The following SNTG1 variants were observed in gnomAD, a reference collection of about 807,000 sequenced individuals.
SNTG1 encodes syntrophin gamma 1, also known as gamma-1-syntrophin.
Under a neutral mutation model 74.7 loss-of-function variants are expected in SNTG1, and 39 were observed. The observed-to-expected ratio is 0.52, with a 90% CI of 0.40 to 0.68. SNTG1 has a LOEUF of 0.68. SNTG1 is among the 30% of genes least tolerant of loss of function. The pLI, the probability that SNTG1 is intolerant of heterozygous loss-of-function variation, is 0.00. For missense variants in SNTG1, 685 were observed against 609.5 expected (o/e 1.12, Z -1.30); for synonymous variants, 254 against 217.1 (o/e 1.17, Z -1.49).
At chr8:49,977,724 C>T (rs912072866) in intron 1 of SNTG1, among the ~76,000 whole-genome samples, 1 of 152,152 alleles carries the variant, frequency 6.6e-6, no homozygotes, top group Admixed American at 6.5e-5. Flanking sequence ...CCCTTTTCAC[C>T]CTATCTTACA....
At chr8:50,773,718 T>A (rs1166246295) in intron 18 of SNTG1, among the ~76,000 whole-genome samples, 1 of 152,064 alleles carries the variant, frequency 6.6e-6, no homozygotes, top group Non-Finnish European at 1.5e-5. Context: ...TTGAAAACAT[T>A]CTCAAAATTG....
intron 1 of SNTG1, among the ~76,000 whole-genome samples, chr8:50,116,269 T>C (rs2080817122): frequency 6.6e-6 from 1 of 152,180 alleles, no homozygotes; most frequent in African/African-American, 2.4e-5. Flanking sequence ...TTAAACACTT[T>C]CCAAATGCCT....
At chr8:50,083,629 A>G (rs1222720701) in intron 1 of SNTG1, among the ~76,000 whole-genome samples, 1 of 152,218 alleles carries the variant, frequency 6.6e-6, no homozygotes, top group Admixed American at 6.5e-5. Flanking sequence ...GAAATAGTGT[A>G]TGATACATAT....
intron 4 of SNTG1, among the ~76,000 whole-genome samples, chr8:50,418,907 AT>A (rs2093046976): frequency 6.6e-6 from 1 of 152,170 alleles, no homozygotes. Flanking sequence ...TCTGTCAAAA[AT>A]ATATCCAGGA....
At chr8:50,460,711 A>G (rs2093553169) in intron 8 of SNTG1, among the ~76,000 whole-genome samples, 1 of 152,100 alleles carries the variant, frequency 6.6e-6, no homozygotes, top group African/African-American at 2.4e-5. Flanking sequence ...ATGACTAGCT[A>G]GCTATTCTAG....
chr8:49,950,149 AT>A (rs750642340), intron 1 of SNTG1, among the ~76,000 whole-genome samples: 9 of 152,142 alleles, frequency 5.9e-5, no homozygotes, highest in Admixed American at 2.6e-4. Flanking sequence ...ATAAAAAAAA[AT>A]AATTATTTAA....
intron 1 of SNTG1, among the ~76,000 whole-genome samples, chr8:49,995,834 C>A (rs1039299681): frequency 1.1e-4 from 16 of 152,288 alleles, no homozygotes; most frequent in African/African-American, 3.8e-4. Flanking sequence ...CACTTACATA[C>A]CATTTATTCA....
intron 17 of SNTG1, among the ~76,000 whole-genome samples, chr8:50,749,903 A>G (rs1229243696): frequency 1.3e-5 from 2 of 152,068 alleles, no homozygotes; most frequent in Admixed American, 6.6e-5. Context: ...CACAATATCC[A>G]TTCTGCAGTC....
chr8:49,993,775 A>G, intron 1 of SNTG1, among the ~76,000 whole-genome samples: 1 of 152,142 alleles, frequency 6.6e-6, no homozygotes, highest in Non-Finnish European at 1.5e-5. Context: ...CCATGTGTAT[A>G]TGTGCCACAT....
At chr8:50,391,201 G>T (rs1362912347) in intron 2 of SNTG1, among the ~76,000 whole-genome samples, 1 of 152,144 alleles carries the variant, frequency 6.6e-6, no homozygotes, top group Non-Finnish European at 1.5e-5. Context: ...GATATTGGCT[G>T]TGGTTTTGTC....
intron 2 of SNTG1, among the ~76,000 whole-genome samples, chr8:50,366,647 A>T (rs377006764): frequency 1.4e-5 from 2 of 147,474 alleles, no homozygotes; most frequent in African/African-American, 4.9e-5. Flanking sequence ...GATTTTATAT[A>T]TATATTATTT....
At chr8:49,927,138 T>G (rs1158862917) in intron 1 of SNTG1, among the ~76,000 whole-genome samples, 1 of 152,172 alleles carries the variant, frequency 6.6e-6, no homozygotes, top group East Asian at 1.9e-4. Flanking sequence ...AAACAGAAAC[T>G]TATCCATTGC....
At chr8:50,616,259 T>C (rs759493209) in intron 13 of SNTG1, among the ~76,000 whole-genome samples, 3 of 152,210 alleles carry the variant, frequency 2.0e-5, no homozygotes, top group Non-Finnish European at 4.4e-5. Flanking sequence ...AATTAAAACA[T>C]AAAACCTTAG....
intron 1 of SNTG1, among the ~76,000 whole-genome samples, chr8:49,949,343 T>C (rs1430242238): frequency 6.6e-6 from 1 of 152,234 alleles, no homozygotes; most frequent in Non-Finnish European, 1.5e-5. Flanking sequence ...TACAGCTTAA[T>C]TGAAAATCAA....
intron 8 of SNTG1, 142 bp from the exon 9 acceptor site, chr8:50,502,636 G>C (rs983971905): frequency 6.4e-6 from 4 of 628,094 alleles, no homozygotes; most frequent in South Asian, 4.5e-5. Flanking sequence ...TAAATAATTA[G>C]CTCCCTCTAT....
chr8:49,972,629 C>T (rs1417048042), intron 1 of SNTG1, among the ~76,000 whole-genome samples: 1 of 150,548 alleles, frequency 6.6e-6, no homozygotes, highest in Non-Finnish European at 1.5e-5. Flanking sequence ...TGACAAAGGG[C>T]TAATATCCAG....
Position 50,452,994 on chromosome 8 carries a change from T to C in SNTG1, c.363+2265T>C, listed in dbSNP as rs139562049. ...CAAATAGCATGCTGATATGCCACAT[T>C]CCTTGTAAAACACCAAATTCAGAAA... On this transcript the variant is annotated intron_variant, in intron 8 of 18. Coordinates refer to ENST00000642720, the MANE Select transcript of SNTG1 (RefSeq NM_018967.5). 2.1e-4 allele frequency among the ~76,000 whole-genome samples: 32 copies of C among 152,328 alleles called. 2 individuals carry two copies. Among genetic ancestry groups the C allele is most frequent in the African/African-American group, 7.0e-4 (29 of 41,580 alleles).
chr8:50,720,577 G>A (rs1297658246), intron 17 of SNTG1, among the ~76,000 whole-genome samples: 1 of 152,124 alleles, frequency 6.6e-6, no homozygotes, highest in Non-Finnish European at 1.5e-5. Context: ...GCATTATGAG[G>A]GCCTAGTTAC....
At chr8:50,105,120 A>C (rs1190520251) in intron 1 of SNTG1, among the ~76,000 whole-genome samples, 1 of 152,048 alleles carries the variant, frequency 6.6e-6, no homozygotes, top group African/African-American at 2.4e-5. Flanking sequence ...GCCATATCCT[A>C]CATCCATTCC....
Sources: allele counts gnomAD v4.1 joint callset (sites outside exome capture counted in the v4.1 genomes callset), GRCh38; gene constraint gnomAD v4.1.1; transcripts MANE v1.5; gene names NCBI Gene and HGNC (gene_info 2026-07-23, HGNC 2026-07-21).